FAM107B: variants seen among roughly 807,000 people sequenced by gnomAD.
The protein encoded by FAM107B is protein FAM107B.
In FAM107B, 21 loss-of-function variants were observed where a neutral mutation model predicts 31.5. The ratio of observed to expected loss-of-function variants is 0.67; its 90% CI spans 0.47 to 0.96. The LOEUF (loss-of-function observed/expected upper bound fraction) is 0.96. Among genes scored for constraint, FAM107B ranks in the 40% least tolerant of loss-of-function variants. FAM107B has a pLI of 0.00. For synonymous variants in FAM107B, 157 were observed against 141.5 expected, an observed-to-expected ratio of 1.11 and a Z score of -0.78; for missense variants, 452 against 377.1, an observed-to-expected ratio of 1.20 and a Z score of -1.64.
intron 2 of FAM107B, among the ~76,000 whole-genome samples, chr10:14,585,211 C>A (rs1197368366): frequency 1.3e-5 from 2 of 152,162 alleles, no homozygotes; most frequent in Admixed American, 6.5e-5. Flanking sequence ...TTGCTTCATT[C>A]TTTCCTTGCT....
At chr10:14,601,045 G>A (rs1452544418) in intron 2 of FAM107B, among the ~76,000 whole-genome samples, 1 of 152,138 alleles carries the variant, frequency 6.6e-6, no homozygotes, top group Non-Finnish European at 1.5e-5. Flanking sequence ...GGGATTACAG[G>A]CACAAGCCAC....
At chr10:14,619,779 TA>T (rs1232359896) in intron 2 of FAM107B, among the ~76,000 whole-genome samples, 4 of 151,656 alleles carry the variant, frequency 2.6e-5, no homozygotes, top group Non-Finnish European at 4.4e-5. Flanking sequence ...TGTTTTCTTT[TA>T]GAAGTTTTAT....
At chr10:14,752,522 C>T (rs144821037) in intron 1 of FAM107B, among the ~76,000 whole-genome samples, 83 of 152,294 alleles carry the variant, frequency 5.4e-4, no homozygotes, top group Admixed American at 9.1e-4. Context: ...TAGTATAGGA[C>T]GCAAACTGTC....
intron 2 of FAM107B, among the ~76,000 whole-genome samples, chr10:14,655,553 G>C (rs1351155896): frequency 2.6e-5 from 4 of 152,178 alleles, no homozygotes; most frequent in Non-Finnish European, 5.9e-5. Flanking sequence ...CCGAGTAGCT[G>C]GCACAAACGT....
At chr10:14,590,989 CAAAA>C (rs35000609) in intron 2 of FAM107B, among the ~76,000 whole-genome samples, 34 of 67,010 alleles carry the variant, frequency 5.1e-4, no homozygotes, top group African/African-American at 2.0e-3. Context: ...AACTCCATCT[CAAAA>C]AAAAAAAAAA....
intron 2 of FAM107B, among the ~76,000 whole-genome samples, chr10:14,604,627 G>C (rs1304084665): frequency 6.6e-6 from 1 of 151,694 alleles, no homozygotes; most frequent in Non-Finnish European, 1.5e-5. Flanking sequence ...GCGAGGGCTG[G>C]AGGGAAAGCG....
intron 1 of FAM107B, among the ~76,000 whole-genome samples, chr10:14,743,540 G>A (rs1482098615): frequency 1.3e-5 from 2 of 152,160 alleles, no homozygotes; most frequent in East Asian, 3.8e-4. Flanking sequence ...TAAGATATAA[G>A]GAAGGGGATC....
intron 1 of FAM107B, among the ~76,000 whole-genome samples, chr10:14,732,086 T>C (rs1856187150): frequency 6.6e-6 from 1 of 152,218 alleles, no homozygotes; most frequent in Non-Finnish European, 1.5e-5. Flanking sequence ...AACAACACCT[T>C]GCACTCTCAG....
At chr10:14,689,671 G>T (rs1439698497) in intron 1 of FAM107B, among the ~76,000 whole-genome samples, 3 of 152,072 alleles carry the variant, frequency 2.0e-5, no homozygotes, top group African/African-American at 7.2e-5. Context: ...GTTTAAAAAA[G>T]ATACCTTGGC....
intron 2 of FAM107B, among the ~76,000 whole-genome samples, chr10:14,630,544 C>A (rs112803950): frequency 0.042 from 6,330 of 152,078 alleles, 194 homozygotes; most frequent in African/African-American, 0.089. Context: ...TTAAAAAAAT[C>A]ACATTGGGCT....
intron 1 of FAM107B, among the ~76,000 whole-genome samples, chr10:14,762,751 G>T (rs1833076406): frequency 1.2e-5 from 1 of 85,100 alleles, no homozygotes; most frequent in Non-Finnish European, 2.4e-5. Context: ...GTGAAACTCT[G>T]TCTCACACAC....
intron 2 of FAM107B, among the ~76,000 whole-genome samples, chr10:14,532,161 G>A (rs772125281): frequency 7.9e-5 from 12 of 152,172 alleles, no homozygotes; most frequent in Non-Finnish European, 1.6e-4. Context: ...TCGCTGGCCT[G>A]TGACACTGCT....
chr10:14,586,681 C>T (rs1156342061), intron 2 of FAM107B, among the ~76,000 whole-genome samples: 2 of 152,182 alleles, frequency 1.3e-5, no homozygotes, highest in African/African-American at 4.8e-5. Flanking sequence ...GAGTTCCCAA[C>T]CTCCAGAACT....
intron 1 of FAM107B, among the ~76,000 whole-genome samples, chr10:14,749,351 C>T (rs1672690080): frequency 6.6e-6 from 1 of 152,156 alleles, no homozygotes; most frequent in Admixed American, 6.5e-5. Context: ...TCCGTGTGAC[C>T]TAATGCACTG....
chr10:14,673,211 G>A (rs974009641), intron 1 of FAM107B, among the ~76,000 whole-genome samples: 1 of 152,160 alleles, frequency 6.6e-6, no homozygotes, highest in Non-Finnish European at 1.5e-5. Context: ...ACCCTGCAGT[G>A]CTATAGAACA....
At chr10:14,660,382 G>A (rs982680321) in intron 2 of FAM107B, among the ~76,000 whole-genome samples, 4 of 152,132 alleles carry the variant, frequency 2.6e-5, no homozygotes, top group Non-Finnish European at 5.9e-5. Context: ...ATGGCCACTA[G>A]AAAGAATGCA....
intron 2 of FAM107B, among the ~76,000 whole-genome samples, chr10:14,601,083 C>T (rs910465596): frequency 7.9e-5 from 12 of 152,186 alleles, no homozygotes; most frequent in African/African-American, 2.9e-4. Flanking sequence ...TTTAAATATC[C>T]TCCTCACCTG....
At chr10:14,635,895 G>T (rs939944414) in intron 2 of FAM107B, among the ~76,000 whole-genome samples, 1 of 152,016 alleles carries the variant, frequency 6.6e-6, no homozygotes, top group Admixed American at 6.6e-5. Flanking sequence ...GCCTCCCACC[G>T]CATTGAGATT....
chr10:14,584,931 C>T (rs367998746), intron 2 of FAM107B, among the ~76,000 whole-genome samples: 1 of 152,198 alleles, frequency 6.6e-6, no homozygotes, highest in African/African-American at 2.4e-5. Context: ...TTGGTTGCTT[C>T]CTGCAACCAA....
Sources: allele counts gnomAD v4.1 joint callset (sites outside exome capture counted in the v4.1 genomes callset), GRCh38; gene constraint gnomAD v4.1.1; transcripts MANE v1.5; gene names NCBI Gene and HGNC (gene_info 2026-07-23, HGNC 2026-07-21).